NUP93: variants seen among roughly 807,000 people sequenced by gnomAD.
NUP93 encodes the protein nuclear pore complex protein Nup93.
NUP93 carries 55 observed loss-of-function variants against 107.8 expected under a neutral mutation model. That is an observed-to-expected ratio of 0.51 (90% CI 0.41 to 0.64). The LOEUF is 0.64. Ranked by LOEUF, NUP93 falls within the 30% of genes least tolerant of loss-of-function variation. NUP93 has a pLI of 0.00. For missense variants in NUP93, 937 were observed against 1,044.7 expected (o/e 0.90, Z 1.42); for synonymous variants, 390 against 397.5 (o/e 0.98, Z 0.22).
intron 3 of NUP93, among the ~76,000 whole-genome samples, chr16:56,794,823 G>A (rs1472224720): frequency 1.3e-5 from 2 of 150,936 alleles, no homozygotes; most frequent in African/African-American, 4.9e-5. Context: ...AGCTACTCGG[G>A]AGGCTGAGGC....
chr16:56,737,264 G>C (rs547847357), intron 1 of NUP93, among the ~76,000 whole-genome samples: 19 of 152,316 alleles, frequency 1.2e-4, no homozygotes, highest in African/African-American at 4.1e-4. Flanking sequence ...TGCTCAGTGT[G>C]TAGTCAAGAC....
chr16:56,832,486 T>C (rs1221767772), intron 12 of NUP93, 98 bp downstream of exon 12: 6 of 886,380 alleles, frequency 6.8e-6, no homozygotes, highest in Middle Eastern at 4.3e-4. Context: ...TGAACTTTTG[T>C]CTTTCTTCCA....
intron 21 of NUP93, among the ~76,000 whole-genome samples, chr16:56,843,302 G>A (rs1288163835): frequency 6.6e-6 from 1 of 152,184 alleles, no homozygotes; most frequent in Non-Finnish European, 1.5e-5. Context: ...TTGAGATGGT[G>A]GATACTTCTT....
intron 2 of NUP93, among the ~76,000 whole-genome samples, chr16:56,751,018 C>T (rs1312466164): frequency 6.6e-6 from 1 of 151,942 alleles, no homozygotes; most frequent in South Asian, 2.1e-4. Flanking sequence ...CATGGTGACA[C>T]GCACCTGTAG....
At chr16:56,764,426 G>A (rs958410853) in intron 3 of NUP93, among the ~76,000 whole-genome samples, 1 of 152,176 alleles carries the variant, frequency 6.6e-6, no homozygotes, top group Non-Finnish European at 1.5e-5. Flanking sequence ...AGAGGTGGAG[G>A]TTGTGGTGAG....
At chr16:56,751,618 T>C (rs1961920906) in intron 2 of NUP93, among the ~76,000 whole-genome samples, 1 of 152,196 alleles carries the variant, frequency 6.6e-6, no homozygotes, top group Non-Finnish European at 1.5e-5. Flanking sequence ...GGATAGGCAT[T>C]TTCCCCCACA....
In NUP93 at chr16:56,833,310, C is replaced by T. The variant is rs150449170; in HGVS notation, c.1441C>T (p.Arg481Cys). ...QFEAAVAFLF[R>C]MERLRCHAVH... The stretch of plus-strand genomic sequence containing the variant: ...TGAAGCAGCAGTTGCCTTTCTTTTC[C>T]GCATGGAGCGGCTGCGCTGCCATGC... The change falls in exon 13 of 22, where the codon CGC becomes TGC. Residue 481 changes from arginine (R) to cysteine (C), a missense_variant. By Grantham distance (180) the Arg-to-Cys change is radical. Transcript: ENST00000308159. 27 of 1,606,464 alleles carry T rather than the reference C, an allele frequency of 1.7e-5. No individual in the cohort carries two copies. The highest frequency in any genetic ancestry group is 1.9e-4 in the Middle Eastern group (1 of 5,378).
chr16:56,778,188 G>A (rs541394561), intron 3 of NUP93, among the ~76,000 whole-genome samples: 3 of 152,186 alleles, frequency 2.0e-5, no homozygotes, highest in Non-Finnish European at 2.9e-5. Context: ...TGAATTCTGG[G>A]GTAGTTGGGA....
intron 5 of NUP93, among the ~76,000 whole-genome samples, chr16:56,808,716 A>AAT (rs1316590395): frequency 2.9e-5 from 1 of 34,902 alleles, no homozygotes; most frequent in Admixed American, 4.5e-4. Context: ...TACATATATA[A>AAT]ATATATATAA....
At chr16:56,754,960 A>G (rs1961991824) in intron 2 of NUP93, among the ~76,000 whole-genome samples, 1 of 152,218 alleles carries the variant, frequency 6.6e-6, no homozygotes, top group African/African-American at 2.4e-5. Flanking sequence ...GGCCACTACA[A>G]TGGCTGTAAT....
intron 1 of NUP93, among the ~76,000 whole-genome samples, chr16:56,744,092 G>A (rs1296006119): frequency 6.6e-6 from 1 of 152,098 alleles, no homozygotes; most frequent in African/African-American, 2.4e-5. Flanking sequence ...ACTGCTCCGG[G>A]TCCTGCTTCC....
intron 18 of NUP93, among the ~76,000 whole-genome samples, chr16:56,838,468 A>T (rs1435191348): frequency 6.6e-6 from 1 of 152,154 alleles, no homozygotes; most frequent in Non-Finnish European, 1.5e-5. Context: ...TACCAAATCC[A>T]CTATCAGTGC....
At chr16:56,750,766 C>T (rs1597105007) in intron 2 of NUP93, among the ~76,000 whole-genome samples, 2 of 152,132 alleles carry the variant, frequency 1.3e-5, no homozygotes, top group African/African-American at 4.8e-5. Flanking sequence ...CCTGCAAAGC[C>T]TGAAATGTTT....
chr16:56,828,836 T>C lies in NUP93; in HGVS notation c.795-141T>C. ...ATAATGTAGTTTGCTTCATTAAGCATGTACTATTTCCTCTTCTGCATTGAG... is the reference window on the plus strand; with the variant it reads ...ATAATGTAGTTTGCTTCATTAAGCACGTACTATTTCCTCTTCTGCATTGAG... On this transcript the variant is annotated intron_variant, in intron 8 of 21. Transcript: ENST00000308159. The C allele has an allele frequency of 4.0e-6, 3 of 758,260 alleles. No individual in the cohort carries two copies. The South Asian group carries it at 5.3e-5, about 13-fold the overall frequency. The allele number at this position is 758,260 out of a possible 1,614,324, so 47.0% of individuals were successfully genotyped here. A position where few individuals can be genotyped will look rare whatever the true frequency, so the allele number is the denominator to read the frequency against.
At chr16:56,832,124 T>C (rs1963805779) in intron 11 of NUP93, 117 bp downstream of exon 11, 1 of 1,328,028 alleles carries the variant, frequency 7.5e-7, no homozygotes, top group South Asian at 1.3e-5. Flanking sequence ...ACCAGTGGGT[T>C]CCTCGTCTCC....
intron 2 of NUP93, among the ~76,000 whole-genome samples, chr16:56,750,680 C>A (rs1326650488): frequency 1.3e-5 from 2 of 152,132 alleles, no homozygotes; most frequent in South Asian, 4.1e-4. Context: ...GGAACACAGC[C>A]AGGCTTATTT....
At chr16:56,805,792 C>T (rs1963125069) in intron 5 of NUP93, 160 bp downstream of exon 5, 3 of 717,502 alleles carry the variant, frequency 4.2e-6, no homozygotes, top group Non-Finnish European at 6.8e-6. Flanking sequence ...TGGACTTCCT[C>T]CAACATGTCT....
In NUP93 at chr16:56,836,736, C is replaced by G; in HGVS notation, c.1899+19C>G. The G allele has an allele frequency of 6.6e-7, 1 of 1,512,452 alleles. No homozygotes were observed. Among genetic ancestry groups the G allele is most frequent in the Non-Finnish European group, 9.2e-7 (1 of 1,089,066 alleles). 93.7% of individuals were successfully genotyped at this position (1,512,452 alleles called of 1,614,324 possible). On this transcript the variant is annotated intron_variant, in intron 17 of 21. Coordinates refer to ENST00000308159, the MANE Select transcript of NUP93 (RefSeq NM_014669.5). The stretch of plus-strand genomic sequence containing the variant: ...TGCCAAGGTAAAGTGTGCCCACTTC[C>G]TTCTTTTGCACTTCACAGGTCTGCT...
intron 10 of NUP93, among the ~76,000 whole-genome samples, chr16:56,831,129 T>C (rs1963776540): frequency 6.6e-6 from 1 of 152,244 alleles, no homozygotes; most frequent in Non-Finnish European, 1.5e-5. Context: ...AATTGAAATA[T>C]AATCATTGAA....
Sources: allele counts gnomAD v4.1 joint callset (sites outside exome capture counted in the v4.1 genomes callset), GRCh38; gene constraint gnomAD v4.1.1; transcripts MANE v1.5; gene names NCBI Gene and HGNC (gene_info 2026-07-23, HGNC 2026-07-21).